ERC2: variants seen among roughly 807,000 people sequenced by gnomAD.
ERC2 encodes the protein ELKS/RAB6-interacting/CAST family member 2, also known as ERC protein 2.
A neutral mutation model predicts 114.8 loss-of-function variants in ERC2; 42 were observed. The observed-to-expected ratio is 0.37, with a 90% CI of 0.29 to 0.47. The LOEUF (loss-of-function observed/expected upper bound fraction) is 0.47, where lower values mean the gene tolerates loss of function less well. Ranked by LOEUF, ERC2 falls within the 20% of genes least tolerant of loss-of-function variation. The pLI is 0.99. For synonymous variants in ERC2, 454 were observed against 425.5 expected (o/e 1.07, Z -0.82); for missense variants, 939 against 1,150.7 (o/e 0.82, Z 2.66).
At chr3:56,219,379 T>A (rs887519696) in intron 3 of ERC2, among the ~76,000 whole-genome samples, 2 of 151,964 alleles carry the variant, frequency 1.3e-5, no homozygotes, top group Non-Finnish European at 2.9e-5. Flanking sequence ...CTCCAGCAAG[T>A]GATGGAGCCA....
At chr3:55,916,758 C>T (rs1210866040) in intron 13 of ERC2, among the ~76,000 whole-genome samples, 1 of 152,096 alleles carries the variant, frequency 6.6e-6, no homozygotes, top group Non-Finnish European at 1.5e-5. Flanking sequence ...TGGCTGACTT[C>T]CTTCATAGCA....
At chr3:55,989,596 C>T (rs948510077) in intron 11 of ERC2, among the ~76,000 whole-genome samples, 8 of 152,258 alleles carry the variant, frequency 5.3e-5, no homozygotes, top group African/African-American at 9.6e-5. Context: ...GGCCCATTAG[C>T]GGAAGGGATT....
At chr3:55,793,557 A>G (rs1330156005) in intron 14 of ERC2, among the ~76,000 whole-genome samples, 3 of 152,210 alleles carry the variant, frequency 2.0e-5, no homozygotes, top group Non-Finnish European at 4.4e-5. Context: ...AAGAGTTGTT[A>G]TGATTATTTC....
At chr3:56,410,879 G>C (rs1204698113) in intron 2 of ERC2, among the ~76,000 whole-genome samples, 1 of 151,972 alleles carries the variant, frequency 6.6e-6, no homozygotes, top group Non-Finnish European at 1.5e-5. Context: ...CAATTTCAAA[G>C]TATTTACATC....
chr3:56,439,822 T>C (rs764266054), intron 1 of ERC2, among the ~76,000 whole-genome samples: 34 of 152,148 alleles, frequency 2.2e-4, no homozygotes, highest in Non-Finnish European at 4.0e-4. Context: ...TATAAGATTA[T>C]ACACATGGCT....
chr3:56,221,963 A>T (rs1310690602), intron 3 of ERC2, among the ~76,000 whole-genome samples: 3 of 152,252 alleles, frequency 2.0e-5, no homozygotes, highest in African/African-American at 7.2e-5. Context: ...TAGTACAATG[A>T]GAAGCTCTGT....
intron 17 of ERC2, among the ~76,000 whole-genome samples, chr3:55,513,542 G>A (rs1365685904): frequency 6.6e-6 from 1 of 152,098 alleles, no homozygotes; most frequent in East Asian, 1.9e-4. Context: ...TATAGAGTGG[G>A]AAGTCTCACA....
chr3:56,414,329 C>T (rs1384539671), intron 2 of ERC2, among the ~76,000 whole-genome samples: 2 of 152,184 alleles, frequency 1.3e-5, no homozygotes, highest in African/African-American at 4.8e-5. Flanking sequence ...CTACACCTTA[C>T]TCTTTTCTCC....
chr3:56,241,680 G>A (rs917801465), intron 3 of ERC2, among the ~76,000 whole-genome samples: 1 of 152,064 alleles, frequency 6.6e-6, no homozygotes, highest in Non-Finnish European at 1.5e-5. Context: ...CCCCTTCACC[G>A]AGTCTTTCCC....
chr3:55,983,181 G>C (rs1160347451), intron 12 of ERC2, among the ~76,000 whole-genome samples: 1 of 152,212 alleles, frequency 6.6e-6, no homozygotes, highest in African/African-American at 2.4e-5. Context: ...GCTGAAGACC[G>C]AGAGGGCCTG....
At chr3:55,761,863 G>A (rs867023367) in intron 14 of ERC2, among the ~76,000 whole-genome samples, 6 of 146,036 alleles carry the variant, frequency 4.1e-5, no homozygotes, top group African/African-American at 1.0e-4. Context: ...GCGAAGGAGC[G>A]AGACTCCGTC....
intron 2 of ERC2, among the ~76,000 whole-genome samples, chr3:56,371,837 C>T (rs767105817): frequency 1.5e-4 from 23 of 152,226 alleles, no homozygotes; most frequent in Non-Finnish European, 2.4e-4. Flanking sequence ...TCACCCTCAG[C>T]AAGCATCTCT....
intron 2 of ERC2, among the ~76,000 whole-genome samples, chr3:56,365,208 G>A (rs1446061076): frequency 6.6e-6 from 1 of 152,152 alleles, no homozygotes; most frequent in Non-Finnish European, 1.5e-5. Context: ...ATTTTAATCA[G>A]TGACTGTATA....
intron 1 of ERC2, among the ~76,000 whole-genome samples, chr3:56,435,998 C>T (rs929550810): frequency 1.3e-5 from 2 of 152,180 alleles, no homozygotes; most frequent in Non-Finnish European, 2.9e-5. Context: ...AAGTTCCCAT[C>T]ACGGTTACTG....
At chr3:56,346,664 C>A (rs2058320471) in intron 2 of ERC2, among the ~76,000 whole-genome samples, 2 of 152,308 alleles carry the variant, frequency 1.3e-5, no homozygotes, top group South Asian at 4.1e-4. Flanking sequence ...TCAACTCTTG[C>A]AGCAAAGGCA....
intron 3 of ERC2, among the ~76,000 whole-genome samples, chr3:56,196,478 T>A (rs954767819): frequency 6.6e-6 from 1 of 150,878 alleles, no homozygotes; most frequent in African/African-American, 2.4e-5. Flanking sequence ...ACAGGACAGA[T>A]GACTTTCTTG....
At chr3:55,880,881 T>A (rs112396993) in intron 14 of ERC2, among the ~76,000 whole-genome samples, 42 of 152,252 alleles carry the variant, frequency 2.8e-4, no homozygotes, top group African/African-American at 9.6e-4. Context: ...CTGTAATGAA[T>A]GTACCTAACA....
At chr3:55,951,228 A>AATT (rs958686208) in intron 12 of ERC2, among the ~76,000 whole-genome samples, 3 of 152,250 alleles carry the variant, frequency 2.0e-5, no homozygotes, top group South Asian at 4.2e-4. Context: ...TTGCTGTTCT[A>AATT]ATTATTATTA....
intron 2 of ERC2, among the ~76,000 whole-genome samples, chr3:56,312,304 T>C (rs1037683060): frequency 6.6e-6 from 1 of 152,178 alleles, no homozygotes; most frequent in Non-Finnish European, 1.5e-5. Context: ...ATCCGATCGA[T>C]GCCAGAAGCT....
Sources: gnomAD v4.1 joint callset for allele counts (sites outside exome capture counted in the v4.1 genomes callset) on GRCh38, gnomAD v4.1.1 for gene constraint, MANE v1.5 for transcripts, NCBI Gene and HGNC (gene_info 2026-07-23, HGNC 2026-07-21) for gene names.